ASB16: variants seen among roughly 807,000 people sequenced by gnomAD.
The protein encoded by ASB16 is ankyrin repeat and SOCS box containing 16, also known as ankyrin repeat and SOCS box protein 16.
In ASB16, 44 loss-of-function variants were observed where a neutral mutation model predicts 39.1. The observed-to-expected ratio is 1.13, with a 90% confidence interval of 0.88 to 1.45. The LOEUF is 1.45. ASB16 is among the 40% of genes most tolerant of loss of function. The pLI, the probability that ASB16 is intolerant of heterozygous loss-of-function variation, is 0.00. For missense variants in ASB16, 698 were observed against 634.5 expected, an observed-to-expected ratio of 1.10 and a Z score of -1.07; for synonymous variants, 305 against 286.7, an observed-to-expected ratio of 1.06 and a Z score of -0.64.
At position 44,172,174 on chromosome 17, in the gene ASB16, C is replaced by T. The variant is rs139281250; in HGVS notation, c.430C>T (p.Arg144Cys). The T allele has an allele frequency of 9.4e-5, 151 of 1,612,514 alleles. No homozygotes were observed. In the African/African-American group the frequency reaches 1.6e-3, roughly 17 times the overall value. The change falls in exon 2 of 5, where the codon CGC becomes TGC. Residue 144 changes from arginine to cysteine, a missense_variant. Transcript: ENST00000293414. Reference protein sequence around the residue: ...GAELDARVGGRAALHEACARA... With the variant: ...GAELDARVGGCAALHEACARA... The stretch of plus-strand genomic sequence containing the variant: ...TGAGCTGGATGCCCGTGTCGGGGGT[C>T]GCGCTGCCTTGCATGAGGCCTGTGC...
rs7220138 is a variant in ASB16 at position 44,176,643 on chromosome 17, C to G, written c.570-95C>G. ...GGAGGACACCAGGTAGGACCTCAAG[C>G]TGAGAGGGGTGGAAAGGCAAGGGAG... On this transcript the variant is annotated intron_variant, in intron 2 of 4. Transcript: ENST00000293414. 0.34 allele frequency: 533,853 copies of G among 1,578,052 alleles called. 99,835 individuals are homozygous for G. The highest frequency in any genetic ancestry group is 0.75 in the East Asian group (33,262 of 44,610).
At position 44,170,705 on chromosome 17, in the gene ASB16, T is replaced by C; in HGVS notation, c.-85T>C. On this transcript the variant is annotated 5_prime_UTR_variant, in exon 1 of 5. Coordinates refer to ENST00000293414, the MANE Select transcript of ASB16 (RefSeq NM_080863.5). Reference sequence around the variant, plus strand: ...CTGGCTCACGGTGGCGGGGGCAGGGTGGCTCCTCAGAGCAAGGGAGGTAGT... The same window carrying C: ...CTGGCTCACGGTGGCGGGGGCAGGGCGGCTCCTCAGAGCAAGGGAGGTAGT... 1 of 1,415,186 alleles carries C rather than the reference T, an allele frequency of 7.1e-7. No homozygotes were observed. Among genetic ancestry groups the C allele is most frequent in the Non-Finnish European group, 9.6e-7 (1 of 1,043,870 alleles). 87.7% of individuals were successfully genotyped at this position (1,415,186 alleles called of 1,614,324 possible).
At chr17:44,172,803 G>T (rs2054253565) in intron 2 of ASB16, among the ~76,000 whole-genome samples, 1 of 151,434 alleles carries the variant, frequency 6.6e-6, no homozygotes, top group Non-Finnish European at 1.5e-5. Context: ...TTCTAGTGGA[G>T]ATGGGGTTTT....
intron 1 of ASB16, among the ~76,000 whole-genome samples, chr17:44,171,561 T>TAAAAAAAAAAAAAAAAAA (rs57839628): frequency 1.0e-5 from 1 of 97,682 alleles, no homozygotes. Context: ...AGACCCTGCC[T>TAAAAAAAAAAAAAAAAAA]AAAAAAAAAA....
At position 44,176,811 on chromosome 17, in the gene ASB16, C is replaced by A; in HGVS notation, c.643C>A (p.His215Asn). 1 of 1,612,758 alleles carries A rather than the reference C, an allele frequency of 6.2e-7. No individual in the cohort carries two copies. Among genetic ancestry groups the A allele is most frequent in the Non-Finnish European group, 8.5e-7 (1 of 1,179,396 alleles). The change falls in exon 3 of 5, where the codon CAC becomes AAC. Residue 215 changes from histidine (H) to asparagine (N), a missense_variant. His to Asn is a moderately conservative substitution (Grantham distance 68). Transcript: ENST00000293414. Reference protein sequence around the residue: ...AAGESQETPLHVAAARGLEQH... With the variant: ...AAGESQETPLNVAAARGLEQH... ...AGGCGAGAGCCAGGAGACGCCCCTG[C>A]ACGTGGCGGCGGCGCGCGGCCTGGA...
In ASB16 at chr17:44,176,956, A is replaced by C; in HGVS notation, c.788A>C (p.His263Pro). The C allele has an allele frequency of 4.7e-6, 7 of 1,498,746 alleles. No individual in the cohort carries two copies. The highest frequency in any genetic ancestry group is 6.2e-6 in the Non-Finnish European group (7 of 1,136,616). The allele number at this position is 1,498,746 out of a possible 1,614,324, so 92.8% of individuals were successfully genotyped here. Reference sequence around the variant, plus strand: ...GAGGGCCCAGGTAGCTGCAGGCGACACCAGGCTGCGGCGCGCCGGCTCCTG... The same window carrying C: ...GAGGGCCCAGGTAGCTGCAGGCGACCCCAGGCTGCGGCGCGCCGGCTCCTG... Reference protein sequence around the residue: ...GAEGPGSCRRHQAAARRLLEA... With the variant: ...GAEGPGSCRRPQAAARRLLEA... The change falls in exon 3 of 5, where the codon CAC becomes CCC. Residue 263 changes from histidine (H) to proline (P), a missense_variant. By Grantham distance (77) the His-to-Pro change is moderately conservative. Transcript: ENST00000293414.
chr17:44,173,717 A>C (rs376589937), intron 2 of ASB16, among the ~76,000 whole-genome samples: 1 of 152,214 alleles, frequency 6.6e-6, no homozygotes, highest in East Asian at 1.9e-4. Context: ...CCAGCTACTC[A>C]GGAAAAGCAT....
rs928247495 is a variant in ASB16, at chr17:44,171,991, TCCCTG to T, written c.302-44_302-40del. On this transcript the variant is annotated intron_variant, in intron 1 of 4. Coordinates refer to ENST00000293414, the MANE Select transcript of ASB16 (RefSeq NM_080863.5). ...TGTCAGCTGGAACCAGCATCCCCAC[TCCCTG>T]CCCTGCCCTGTCTTATACACCACCT... The T allele has an allele frequency of 7.1e-6, 11 of 1,554,626 alleles. No homozygotes were observed. In the Admixed American group the frequency reaches 1.4e-4, roughly 20 times the overall value.
chr17:44,172,088 T>C lies in ASB16; in HGVS notation c.344T>C (p.Leu115Pro). The C allele has an allele frequency of 6.2e-7, 1 of 1,611,186 alleles. No individual in the cohort carries two copies. Among genetic ancestry groups the C allele is most frequent in the Non-Finnish European group, 8.5e-7 (1 of 1,179,750 alleles). Residue 115 changes from leucine (L) to proline (P), a missense_variant, in exon 2 of 5, where the codon CTC becomes CCC. Physicochemically the swap from Leu to Pro is moderately conservative, Grantham distance 98 (BLOSUM62 -3). Transcript: ENST00000293414. ...CCCAAGACCAAGCAGACGGCACCCCTCGCCATCGCTACAGCCCGAGGCTAC... is the reference window on the plus strand; with the variant it reads ...CCCAAGACCAAGCAGACGGCACCCCCCGCCATCGCTACAGCCCGAGGCTAC... ...LTPKTKQTAPLAIATARGYTD... is the reference protein window; with the variant it reads ...LTPKTKQTAPPAIATARGYTD...
rs781739786 is a variant in ASB16, at chr17:44,177,725, A to T, written c.1176+3A>T. 2 of 1,612,966 alleles carry T rather than the reference A, an allele frequency of 1.2e-6. No homozygotes were observed. The highest frequency in any genetic ancestry group is 2.2e-5 in the South Asian group (2 of 91,004). The stretch of plus-strand genomic sequence containing the variant: ...CGGTGCTCCCAGAGCTGTGGAAGGT[A>T]TGTTTGCCTCAGGGCCGAGATGGGG... On this transcript the variant is annotated splice_donor_region_variant and intron_variant, in intron 4 of 4. Coordinates refer to ENST00000293414, the MANE Select transcript of ASB16 (RefSeq NM_080863.5).
intron 2 of ASB16, among the ~76,000 whole-genome samples, chr17:44,173,600 G>A (rs1418491549): frequency 6.6e-6 from 1 of 152,088 alleles, no homozygotes. Context: ...GGCTGAGGCA[G>A]GATGATCTTT....
At chr17:44,174,710 G>A (rs980767775) in intron 2 of ASB16, among the ~76,000 whole-genome samples, 1 of 152,136 alleles carries the variant, frequency 6.6e-6, no homozygotes, top group Non-Finnish European at 1.5e-5. Flanking sequence ...GTTCTTACAG[G>A]CATGTGGTGT....
chr17:44,177,706 T>C lies in ASB16; in HGVS notation c.1160T>C (p.Leu387Pro), dbSNP rs1328467191. 1 of 1,613,604 alleles carries C rather than the reference T, an allele frequency of 6.2e-7. No individual in the cohort carries two copies. Among genetic ancestry groups the C allele is most frequent in the Non-Finnish European group, 8.5e-7 (1 of 1,179,744 alleles). Residue 387 changes from leucine (L) to proline (P), a missense_variant, in exon 4 of 5, where the codon CTC becomes CCC. Coordinates refer to ENST00000293414, the MANE Select transcript of ASB16 (RefSeq NM_080863.5). ...PSCETWVEAV[L>P]PELWKEHEAF... ...TGTGAGACCTGGGTGGAGGCGGTGC[T>C]CCCAGAGCTGTGGAAGGTATGTTTG...
chr17:44,171,229 T>A, intron 1 of ASB16, 139 bp downstream of exon 1: 1 of 922,204 alleles, frequency 1.1e-6, no homozygotes, highest in Non-Finnish European at 1.6e-6. Context: ...AGCTCCCTCC[T>A]AAACAGAGAT....
chr17:44,177,869 C>T, intron 4 of ASB16, 147 bp downstream of exon 4: 1 of 1,116,962 alleles, frequency 9.0e-7, no homozygotes, highest in Non-Finnish European at 1.3e-6. Flanking sequence ...GGTACCCCCT[C>T]CCCCGGTACC....
At chr17:44,172,674 G>A (rs2054252730) in intron 2 of ASB16, among the ~76,000 whole-genome samples, 2 of 151,980 alleles carry the variant, frequency 1.3e-5, no homozygotes, top group South Asian at 2.1e-4. Context: ...TGCCCAGGCT[G>A]TAGTGCAGTG....
chr17:44,177,991 T>TG (rs1040740576), intron 4 of ASB16, among the ~76,000 whole-genome samples: 3 of 152,128 alleles, frequency 2.0e-5, no homozygotes, highest in Admixed American at 1.3e-4. Context: ...CTCTCTGGGG[T>TG]GGGAGTGGTA....
At chr17:44,175,088 C>G (rs1455709070) in intron 2 of ASB16, among the ~76,000 whole-genome samples, 1 of 97,598 alleles carries the variant, frequency 1.0e-5, no homozygotes, top group African/African-American at 4.3e-5. Context: ...GGCGACAGAG[C>G]AAGACTCTGC....
chr17:44,171,026 T>A lies in ASB16; in HGVS notation c.237T>A (p.Asp79Glu), dbSNP rs758404845. The A allele has an allele frequency of 3.7e-6, 6 of 1,613,892 alleles. No individual in the cohort carries two copies. The highest frequency in any genetic ancestry group is 1.3e-5 in the African/African-American group (1 of 74,984). ...AGCAGGTCCAAGCCCTGTTCCAAGATGAAGAGGCCGCCAACATGATTGTGG... is the reference window on the plus strand; with the variant it reads ...AGCAGGTCCAAGCCCTGTTCCAAGAAGAAGAGGCCGCCAACATGATTGTGG... Reference protein sequence around the residue: ...NLQQVQALFQDEEAANMIVET... With the variant: ...NLQQVQALFQEEEAANMIVET... Residue 79 changes from aspartate to glutamate, a missense_variant, in exon 1 of 5, where the codon GAT becomes GAA. By Grantham distance (45) the Asp-to-Glu change is conservative. Transcript: ENST00000293414.
Sources: allele counts gnomAD v4.1 joint callset (sites outside exome capture counted in the v4.1 genomes callset), GRCh38; gene constraint gnomAD v4.1.1; transcripts MANE v1.5; gene names NCBI Gene and HGNC (gene_info 2026-07-23, HGNC 2026-07-21).